GPC6: variants seen among roughly 807,000 people sequenced by gnomAD.
GPC6 encodes glypican 6.
A neutral mutation model predicts 55.2 loss-of-function variants in GPC6; 14 were observed. That is an observed-to-expected ratio of 0.25 (90% confidence interval 0.17 to 0.40). The LOEUF (loss-of-function observed/expected upper bound fraction) is 0.40, where lower values mean the gene tolerates loss of function less well. Ranked by LOEUF, GPC6 falls within the 10% of genes least tolerant of loss-of-function variation. GPC6 has a pLI of 1.00. For missense variants in GPC6, 641 were observed against 708.5 expected, an observed-to-expected ratio of 0.90 and a Z score of 1.08; for synonymous variants, 278 against 259.6, an observed-to-expected ratio of 1.07 and a Z score of -0.68.
chr13:93,992,206 GGTGT>G (rs1881343759), intron 3 of GPC6, among the ~76,000 whole-genome samples: 1 of 150,172 alleles, frequency 6.7e-6, no homozygotes, highest in Non-Finnish European at 1.5e-5. Flanking sequence ...TGTGGGTGTG[GGTGT>G]GTGTGTTATA....
rs1884136793 is a variant in GPC6, at chr13:94,056,436, T to C, written c.877+28542T>C. ...TAAGAAATTATGCAAGCAAATTCAA[T>C]ACACGTGGAGAATGTCACTTTGAAA... On this transcript the variant is annotated intron_variant, in intron 4 of 8. Transcript: ENST00000377047. 4.6e-5 allele frequency among the ~76,000 whole-genome samples: 7 copies of C among 152,288 alleles called. No homozygotes were observed. In the South Asian group the frequency reaches 1.5e-3, roughly 32 times the overall value.
At chr13:93,243,980 C>T (rs564042314) in intron 1 of GPC6, among the ~76,000 whole-genome samples, 59 of 151,916 alleles carry the variant, frequency 3.9e-4, no homozygotes, top group Non-Finnish European at 7.6e-4. Context: ...CTAAAAGGCC[C>T]TGTCTGTGTT....
chr13:93,337,726 C>T (rs1433607619), intron 1 of GPC6, among the ~76,000 whole-genome samples: 1 of 152,186 alleles, frequency 6.6e-6, no homozygotes. Flanking sequence ...GGTGGAGATG[C>T]TTATGTTGCA....
At chr13:93,308,112 G>A (rs891851471) in intron 1 of GPC6, among the ~76,000 whole-genome samples, 83 of 152,020 alleles carry the variant, frequency 5.5e-4, no homozygotes, top group African/African-American at 1.7e-3. Context: ...GTGAAACCCC[G>A]TCTCTACTAA....
chr13:93,362,386 A>G (rs1881072208), intron 1 of GPC6, among the ~76,000 whole-genome samples: 2 of 152,150 alleles, frequency 1.3e-5, no homozygotes, highest in Non-Finnish European at 2.9e-5. Context: ...ACCCATAAAG[A>G]CATTACCTGT....
chr13:93,255,138 G>A (rs1444102710), intron 1 of GPC6, among the ~76,000 whole-genome samples: 1 of 152,188 alleles, frequency 6.6e-6, no homozygotes, highest in African/African-American at 2.4e-5. Flanking sequence ...GTGATGAAAT[G>A]AGTGAATTCC....
chr13:93,848,284 C>T (rs1888270648), intron 3 of GPC6, among the ~76,000 whole-genome samples: 2 of 152,088 alleles, frequency 1.3e-5, no homozygotes, highest in South Asian at 4.1e-4. Context: ...CAGAAACCCT[C>T]AAACTATTGA....
intron 6 of GPC6, among the ~76,000 whole-genome samples, chr13:94,327,277 C>T (rs1477118878): frequency 9.2e-5 from 14 of 152,108 alleles, no homozygotes; most frequent in Admixed American, 7.9e-4. Context: ...AACTGCATGG[C>T]GGACGGGGCT....
intron 1 of GPC6, among the ~76,000 whole-genome samples, chr13:93,273,636 C>T (rs1233222025): frequency 6.6e-5 from 10 of 151,868 alleles, no homozygotes; most frequent in Non-Finnish European, 1.0e-4. Flanking sequence ...CCAGCCTGGG[C>T]GACAGAGCGA....
chr13:93,368,948 A>C (rs1017365935), intron 1 of GPC6, among the ~76,000 whole-genome samples: 1 of 152,046 alleles, frequency 6.6e-6, no homozygotes, highest in African/African-American at 2.4e-5. Context: ...TAATGTTTGC[A>C]TAATATATGG....
At position 94,403,330 on chromosome 13, in the gene GPC6, T is replaced by C. The variant is rs902161821; in HGVS notation, c.*113T>C. On this transcript the variant is annotated 3_prime_UTR_variant, in exon 9 of 9. Coordinates refer to ENST00000377047, the MANE Select transcript of GPC6 (RefSeq NM_005708.5). ...TGCCACAAAAACTTACCGTTTTCTA[T>C]GAGAAGAGAGCAGTAATGCAATCTG... The C allele has an allele frequency of 6.3e-5, 50 of 799,430 alleles. No individual in the cohort carries two copies. Among genetic ancestry groups the C allele is most frequent in the Non-Finnish European group, 3.8e-5 (18 of 473,396 alleles). 49.5% of individuals were successfully genotyped at this position (799,430 alleles called of 1,614,324 possible).
At chr13:93,554,723 G>A (rs1875366811) in intron 2 of GPC6, among the ~76,000 whole-genome samples, 1 of 152,184 alleles carries the variant, frequency 6.6e-6, no homozygotes, top group African/African-American at 2.4e-5. Flanking sequence ...GGCCTAAGCC[G>A]TTTTCTGTCA....
In GPC6 at chr13:93,227,579, A is replaced by T. The variant is rs1268167934; in HGVS notation, c.123A>T (p.Gly41=). ...TCCGCCAGGCGTACGGTGCCAAGGGATTCAGCCTGGCGGACATCCCCTACC... is the reference window on the plus strand; with the variant it reads ...TCCGCCAGGCGTACGGTGCCAAGGGTTTCAGCCTGGCGGACATCCCCTACC... ...GEVRQAYGAK[G]FSLADIPYQE... is the part of the protein sequence containing the mutation. The change falls in exon 1 of 9, where the codon GGA becomes GGT. Residue 41 remains glycine, a synonymous_variant. Coordinates refer to ENST00000377047, the MANE Select transcript of GPC6 (RefSeq NM_005708.5). This position sits in a 1 kb window ranked among gnomAD's most constrained non-coding sequence, Gnocchi z 4.3. 3 of 1,610,660 alleles carry T rather than the reference A, an allele frequency of 1.9e-6. No individual in the cohort carries two copies. The South Asian group carries it at 3.3e-5, about 18-fold the overall frequency.
intron 2 of GPC6, among the ~76,000 whole-genome samples, chr13:93,673,308 T>C (rs186675402): frequency 1.3e-5 from 2 of 152,306 alleles, no homozygotes; most frequent in Admixed American, 1.3e-4. Context: ...CAGTTATTTA[T>C]TTCATGAATG....
intron 2 of GPC6, among the ~76,000 whole-genome samples, chr13:93,777,286 T>C (rs1010211714): frequency 6.6e-6 from 1 of 152,304 alleles, no homozygotes; most frequent in Middle Eastern, 3.4e-3. Context: ...TCTTATCTCT[T>C]CTATTCCTTC....
intron 3 of GPC6, among the ~76,000 whole-genome samples, chr13:94,001,026 C>A (rs1881775483): frequency 6.6e-6 from 1 of 152,036 alleles, no homozygotes; most frequent in African/African-American, 2.4e-5. Flanking sequence ...AGCTTTTTAC[C>A]TCCTATAAAA....
At chr13:93,858,676 TA>T (rs1033222156) in intron 3 of GPC6, among the ~76,000 whole-genome samples, 2 of 151,546 alleles carry the variant, frequency 1.3e-5, no homozygotes, top group Non-Finnish European at 3.0e-5. Flanking sequence ...GAGAAGCAAG[TA>T]ACAGTTTGCA....
intron 2 of GPC6, among the ~76,000 whole-genome samples, chr13:93,599,671 G>A (rs1877927676): frequency 1.3e-5 from 2 of 152,162 alleles, no homozygotes; most frequent in South Asian, 4.1e-4. Context: ...TGAAGATAAA[G>A]AATGTCTTCA....
intron 3 of GPC6, among the ~76,000 whole-genome samples, chr13:94,007,578 A>G (rs1882072727): frequency 6.6e-6 from 1 of 152,188 alleles, no homozygotes; most frequent in Non-Finnish European, 1.5e-5. Flanking sequence ...ACTGCCCTAA[A>G]GTGAACATTA....
Sources: allele counts gnomAD v4.1 joint callset (sites outside exome capture counted in the v4.1 genomes callset), GRCh38; gene constraint gnomAD v4.1.1; non-coding constraint Gnocchi (gnomAD v3.1); transcripts MANE v1.5; gene names NCBI Gene and HGNC (gene_info 2026-07-23, HGNC 2026-07-21).